The following PTPRF variants were observed in gnomAD, a reference collection of about 807,000 sequenced individuals.
PTPRF encodes protein tyrosine phosphatase receptor type F, also known as receptor-type tyrosine-protein phosphatase F.
A neutral mutation model predicts 201.8 loss-of-function variants in PTPRF; 59 were observed. That is an observed-to-expected ratio of 0.29 (90% CI 0.24 to 0.36). The LOEUF (loss-of-function observed/expected upper bound fraction) is 0.36, where lower values mean the gene tolerates loss of function less well. Among genes scored for constraint, PTPRF ranks in the 10% least tolerant of loss-of-function variants. The pLI is 1.00. For missense variants in PTPRF, 2,132 were observed against 2,690.5 expected, an observed-to-expected ratio of 0.79 and a Z score of 4.59; for synonymous variants, 1,088 against 1,089.7, an observed-to-expected ratio of 1.00 and a Z score of 0.03.
At chr1:43,558,981 C>T (rs533848590) in intron 5 of PTPRF, among the ~76,000 whole-genome samples, 7 of 152,166 alleles carry the variant, frequency 4.6e-5, no homozygotes, top group South Asian at 4.2e-4. Context: ...GACAAGGAGG[C>T]GGGGAGAAGA....
chr1:43,575,756 C>T (rs1646882536), intron 6 of PTPRF, among the ~76,000 whole-genome samples: 1 of 152,190 alleles, frequency 6.6e-6, no homozygotes, highest in Non-Finnish European at 1.5e-5. Flanking sequence ...TGCTCACACA[C>T]TGTCCGTGTC....
chr1:43,590,864 G>C, intron 8 of PTPRF, 108 bp from the exon 9 acceptor site: 1 of 1,050,694 alleles, frequency 9.5e-7, no homozygotes, highest in African/African-American at 1.6e-5. Context: ...GTGGGTATCA[G>C]CCACACTCAG....
At position 43,554,853 on chromosome 1, in the gene PTPRF, C is replaced by CTTTCTTTT; in HGVS notation, c.379+916_379+923dup. On this transcript the variant is annotated intron_variant, in intron 5 of 33. Transcript: ENST00000359947. The surrounding 1 kb of genome is among the most constrained non-coding windows in gnomAD (Gnocchi z 4.1). ...TTGCTTTTTTTTCTTTTCTTTCTTTCTTTCTTTTTTTTTTTTTGAGATGCA... is the reference window on the plus strand; with the variant it reads ...TTGCTTTTTTTTCTTTTCTTTCTTTCTTTCTTTTTTTCTTTTTTTTTTTTTGAGATGCA... Among the ~76,000 whole-genome samples the CTTTCTTTT allele has an allele frequency of 7.0e-6, 1 of 143,208 alleles. No homozygotes were observed. Among genetic ancestry groups the CTTTCTTTT allele is most frequent in the East Asian group, 2.0e-4 (1 of 5,054 alleles). 94.0% of individuals were successfully genotyped at this position (143,208 alleles called of 152,430 possible).
At chr1:43,584,117 C>T (rs1570308575) in intron 7 of PTPRF, among the ~76,000 whole-genome samples, 1 of 152,164 alleles carries the variant, frequency 6.6e-6, no homozygotes, top group Non-Finnish European at 1.5e-5. Flanking sequence ...GAGCCAGACC[C>T]CCACCACTGA....
chr1:43,560,493 G>A (rs918633629), intron 5 of PTPRF, among the ~76,000 whole-genome samples: 2 of 152,132 alleles, frequency 1.3e-5, no homozygotes, highest in Non-Finnish European at 1.5e-5. Context: ...TGGACAGCAG[G>A]TGGTGTGTGC....
chr1:43,567,666 A>G (rs922611356), intron 5 of PTPRF, among the ~76,000 whole-genome samples: 1 of 152,090 alleles, frequency 6.6e-6, no homozygotes, highest in Non-Finnish European at 1.5e-5. Flanking sequence ...GGGCTCGTCC[A>G]ACTCCCTCTT....
At position 43,554,022 on chromosome 1, in the gene PTPRF, G is replaced by A; in HGVS notation, c.379+81G>A. 1.9e-6 allele frequency: 3 copies of A among 1,554,140 alleles called. No individual in the cohort carries two copies. The highest frequency in any genetic ancestry group is 2.6e-6 in the Non-Finnish European group (3 of 1,146,250). On this transcript the variant is annotated intron_variant, in intron 5 of 33. Coordinates refer to ENST00000359947, the MANE Select transcript of PTPRF (RefSeq NM_002840.5). This position sits in a 1 kb window ranked among gnomAD's most constrained non-coding sequence, Gnocchi z 4.1. ...CCAGCCAGCCCTGATCCTGTCCTGG[G>A]CCCATGTGCATTTGGCAGAAAGGAG...
chr1:43,586,078 C>T (rs755229636), intron 7 of PTPRF, among the ~76,000 whole-genome samples: 18 of 152,202 alleles, frequency 1.2e-4, no homozygotes, highest in Non-Finnish European at 2.1e-4. Flanking sequence ...CAGACCTACT[C>T]CTACTACGTA....
rs148172150 is a variant in PTPRF, at chr1:43,586,491, C to A, written c.680-2240C>A. Among the ~76,000 whole-genome samples, 507 of 152,310 alleles carry A rather than the reference C, an allele frequency of 3.3e-3. 3 individuals carry two copies. Among genetic ancestry groups the A allele is most frequent in the African/African-American group, 0.012 (486 of 41,560 alleles). On this transcript the variant is annotated intron_variant, in intron 7 of 33. Transcript: ENST00000359947. ...GTCCTTTGTTGCCATGAGACACTTG[C>A]CAGCCATGCCCCGGGATCCACCTGT... is the stretch of plus-strand genomic sequence containing the variant.
chr1:43,610,352 G>A (rs1395202917), intron 22 of PTPRF, among the ~76,000 whole-genome samples: 1 of 152,236 alleles, frequency 6.6e-6, no homozygotes, highest in Non-Finnish European at 1.5e-5. Context: ...TATTCTGCAT[G>A]TCAAATTACC....
intron 23 of PTPRF, 34 bp from the exon 24 acceptor site, chr1:43,617,410 TA>T (rs1557867792): frequency 6.2e-7 from 1 of 1,613,436 alleles, no homozygotes; most frequent in Admixed American, 1.7e-5. Context: ...CCTTGGCTCT[TA>T]CCCCACCCCA....
At chr1:43,594,704 T>C (rs1439487760) in intron 11 of PTPRF, among the ~76,000 whole-genome samples, 1 of 152,060 alleles carries the variant, frequency 6.6e-6, no homozygotes, top group Non-Finnish European at 1.5e-5. Flanking sequence ...GAATCTTGTT[T>C]CTGGTGTATT....
At chr1:43,611,328 C>G (rs954770589) in intron 22 of PTPRF, among the ~76,000 whole-genome samples, 2 of 152,152 alleles carry the variant, frequency 1.3e-5, no homozygotes, top group African/African-American at 4.8e-5. Context: ...GGATGCTGAG[C>G]CATGTGGTTA....
intron 7 of PTPRF, among the ~76,000 whole-genome samples, chr1:43,586,532 GTGTC>G (rs761963264): frequency 6.6e-6 from 1 of 152,254 alleles, no homozygotes; most frequent in Non-Finnish European, 1.5e-5. Flanking sequence ...CACAAGAACT[GTGTC>G]TGTGACATGC....
chr1:43,592,669 A>T, intron 11 of PTPRF, 68 bp downstream of exon 11: 1 of 1,447,244 alleles, frequency 6.9e-7, no homozygotes. Context: ...ATGCACACAC[A>T]TCCTTCCCCC....
chr1:43,622,064 C>G lies in PTPRF; in HGVS notation c.*61C>G. The stretch of plus-strand genomic sequence containing the variant: ...GGGCTCCGGAGGGGACCCAGCTCCT[C>G]TGAGCCATACCGACCATCGTCCAGC... On this transcript the variant is annotated 3_prime_UTR_variant, in exon 34 of 34. Coordinates refer to ENST00000359947, the MANE Select transcript of PTPRF (RefSeq NM_002840.5). The G allele has an allele frequency of 9.1e-6, 14 of 1,542,810 alleles. No individual in the cohort carries two copies. Among genetic ancestry groups the G allele is most frequent in the Non-Finnish European group, 1.2e-5 (13 of 1,116,902 alleles).
Position 43,554,315 on chromosome 1 carries a change from A to G in PTPRF, c.379+374A>G, listed in dbSNP as rs1033657377. Among the ~76,000 whole-genome samples, 1 of 152,144 alleles carries G rather than the reference A, an allele frequency of 6.6e-6. No homozygotes were observed. Among genetic ancestry groups the G allele is most frequent in the African/African-American group, 2.4e-5 (1 of 41,420 alleles). ...CATGTGGAGCCTGGCCGTAGGTGTC[A>G]GGCAGGTGTGTTCCTTGTTGCCCCT... On this transcript the variant is annotated intron_variant, in intron 5 of 33. Coordinates refer to ENST00000359947, the MANE Select transcript of PTPRF (RefSeq NM_002840.5). The surrounding 1 kb of genome is among the most constrained non-coding windows in gnomAD (Gnocchi z 4.1).
In PTPRF at chr1:43,618,631, T is replaced by C. The variant is rs1257687543; in HGVS notation, c.4373T>C (p.Val1458Ala). The change falls in exon 26 of 34, where the codon GTA becomes GCA. Residue 1458 changes from valine to alanine, a missense_variant and splice_region_variant. Coordinates refer to ENST00000359947, the MANE Select transcript of PTPRF (RefSeq NM_002840.5). ...MMTRLEEKSR[V>A]KCDQYWPARG... ...CCTGCCCTGCTCATCCTCCTGCAGG[T>C]AAAATGTGATCAGTACTGGCCAGCC... 1 of 1,595,926 alleles carries C rather than the reference T, an allele frequency of 6.3e-7. No individual in the cohort carries two copies. The highest frequency in any genetic ancestry group is 1.7e-5 in the Admixed American group (1 of 59,654).
chr1:43,542,293 G>A lies in PTPRF; in HGVS notation c.-45-2738G>A, dbSNP rs546361563. Among the ~76,000 whole-genome samples, 14 of 152,288 alleles carry A rather than the reference G, an allele frequency of 9.2e-5. No individual in the cohort carries two copies. The highest frequency in any genetic ancestry group is 6.8e-3 in the Middle Eastern group (2 of 294). On this transcript the variant is annotated intron_variant, in intron 2 of 33. Coordinates refer to ENST00000359947, the MANE Select transcript of PTPRF (RefSeq NM_002840.5). The surrounding 1 kb of genome is among the most constrained non-coding windows in gnomAD (Gnocchi z 5.2). The stretch of plus-strand genomic sequence containing the variant: ...GCTGGTGAGGGAGAGGCCCTGGCTC[G>A]TACAGCTGTGTGGCTGCCAGAGTAG...
Sources: gnomAD v4.1 joint callset for allele counts (sites outside exome capture counted in the v4.1 genomes callset) on GRCh38, gnomAD v4.1.1 for gene constraint, Gnocchi (gnomAD v3.1) non-coding constraint, MANE v1.5 for transcripts, NCBI Gene and HGNC (gene_info 2026-07-23, HGNC 2026-07-21) for gene names.